The following SIDT1 variants were observed in gnomAD, a reference collection of about 807,000 sequenced individuals.
SIDT1 encodes the protein SID1 transmembrane family, member 1.
Under a neutral mutation model 107.5 loss-of-function variants are expected in SIDT1, and 101 were observed. The ratio of observed to expected loss-of-function variants is 0.94; its 90% confidence interval spans 0.80 to 1.11. The LOEUF (loss-of-function observed/expected upper bound fraction) is 1.11, where lower values mean the gene tolerates loss of function less well. SIDT1 is among the 50% of genes least tolerant of loss of function. The pLI is 0.00. For missense variants in SIDT1, 1,076 were observed against 1,058.2 expected (o/e 1.02, Z -0.23); for synonymous variants, 395 against 398.2 (o/e 0.99, Z 0.10).
intron 14 of SIDT1, among the ~76,000 whole-genome samples, chr3:113,606,185 A>G (rs967642642): frequency 3.3e-5 from 5 of 152,126 alleles, no homozygotes; most frequent in Non-Finnish European, 7.4e-5. Flanking sequence ...ATGGCCTTCT[A>G]TAGAATTTAT....
chr3:113,602,763 T>G, intron 11 of SIDT1: 1 of 365,138 alleles, frequency 2.7e-6, no homozygotes. Flanking sequence ...GCAGATGCCC[T>G]TAGATTCTAA....
chr3:113,547,708 C>T (rs1939755466), intron 1 of SIDT1, among the ~76,000 whole-genome samples: 1 of 152,032 alleles, frequency 6.6e-6, no homozygotes, highest in African/African-American at 2.4e-5. Context: ...ATTCACTTTC[C>T]TGTCACAGCT....
chr3:113,542,361 C>CT (rs1244019626), intron 1 of SIDT1, among the ~76,000 whole-genome samples: 2 of 151,876 alleles, frequency 1.3e-5, no homozygotes, highest in African/African-American at 4.8e-5. Flanking sequence ...TAGGGATTCT[C>CT]TTTTTACTTA....
chr3:113,603,294 A>G lies in SIDT1; in HGVS notation c.1263+144A>G, dbSNP rs73854498. 2,654 of 847,930 alleles carry G rather than the reference A, an allele frequency of 3.1e-3. 52 individuals are homozygous for G. The African/African-American group carries it at 0.041, about 13-fold the overall frequency. The allele number at this position is 847,930 out of a possible 1,614,324, so 52.5% of individuals were successfully genotyped here. ...GAAGACTTAAATCAAATGTACCTACAGACTAAAAGCAATACTCTGTTAATT... is the reference window on the plus strand; with the variant it reads ...GAAGACTTAAATCAAATGTACCTACGGACTAAAAGCAATACTCTGTTAATT... On this transcript the variant is annotated intron_variant, in intron 12 of 24. Transcript: ENST00000264852.
In SIDT1 at chr3:113,603,109, A is replaced by C; in HGVS notation, c.1222A>C (p.Met408Leu). Residue 408 changes from methionine to leucine, a missense_variant, in exon 12 of 25, where the codon ATG becomes CTG. Transcript: ENST00000264852. Reference protein sequence around the residue: ...SSVEESDFDTMPDIESDKNII... With the variant: ...SSVEESDFDTLPDIESDKNII... ...CGTGGAGGAGAGCGACTTCGACACCATGCCAGACATTGAGAGTGATAAAAA... is the reference window on the plus strand; with the variant it reads ...CGTGGAGGAGAGCGACTTCGACACCCTGCCAGACATTGAGAGTGATAAAAA... The C allele has an allele frequency of 6.2e-7, 1 of 1,614,086 alleles. No homozygotes were observed. Among genetic ancestry groups the C allele is most frequent in the South Asian group, 1.1e-5 (1 of 91,074 alleles).
At chr3:113,585,095 G>A in intron 8 of SIDT1, 82 bp from the exon 9 acceptor site, 3 of 927,382 alleles carry the variant, frequency 3.2e-6, no homozygotes, top group South Asian at 2.8e-5. Context: ...TGATGGAGGG[G>A]GCCCTTTAAG....
At chr3:113,591,603 G>A (rs1291629520) in intron 9 of SIDT1, among the ~76,000 whole-genome samples, 1 of 152,222 alleles carries the variant, frequency 6.6e-6, no homozygotes, top group African/African-American at 2.4e-5. Context: ...GCTGAGGCAG[G>A]AGAATGGGGT....
chr3:113,615,172 C>G, intron 19 of SIDT1: 1 of 1,343,426 alleles, frequency 7.4e-7, no homozygotes, highest in Non-Finnish European at 1.0e-6. Context: ...TGAACAGCCT[C>G]TTTCAGGCCG....
At chr3:113,536,753 A>T (rs1241624859) in intron 1 of SIDT1, among the ~76,000 whole-genome samples, 1 of 152,270 alleles carries the variant, frequency 6.6e-6, no homozygotes, top group African/African-American at 2.4e-5. Flanking sequence ...CCTTCAAAAA[A>T]ATCACTGAGA....
At chr3:113,627,603 G>A in intron 24 of SIDT1, 43 bp from the exon 25 acceptor site, 2 of 1,587,864 alleles carry the variant, frequency 1.3e-6, no homozygotes, top group South Asian at 1.1e-5. Context: ...TAGTGTGACA[G>A]TGACTGTCCA....
At chr3:113,570,090 G>A (rs1362904360) in intron 3 of SIDT1, among the ~76,000 whole-genome samples, 1 of 152,074 alleles carries the variant, frequency 6.6e-6, no homozygotes, top group Non-Finnish European at 1.5e-5. Context: ...ATTTTTAGTA[G>A]AGACGGATTT....
chr3:113,598,083 A>C (rs1353532722), intron 10 of SIDT1, among the ~76,000 whole-genome samples: 3 of 152,230 alleles, frequency 2.0e-5, no homozygotes, highest in Non-Finnish European at 4.4e-5. Context: ...ACATTTTTGC[A>C]TGCTGGCAAT....
intron 16 of SIDT1, 94 bp downstream of exon 16, chr3:113,608,311 A>C: frequency 1.9e-6 from 3 of 1,543,842 alleles, no homozygotes; most frequent in Non-Finnish European, 8.8e-7. Context: ...GTGATGATTT[A>C]TTATGTGTAA....
chr3:113,536,442 G>A (rs910504381), intron 1 of SIDT1, among the ~76,000 whole-genome samples: 1 of 152,034 alleles, frequency 6.6e-6, no homozygotes, highest in Non-Finnish European at 1.5e-5. Flanking sequence ...TTGGTTTAGG[G>A]AAAAAAATGG....
At chr3:113,619,344 T>G (rs562995519) in intron 20 of SIDT1, among the ~76,000 whole-genome samples, 4 of 152,272 alleles carry the variant, frequency 2.6e-5, no homozygotes, top group African/African-American at 7.2e-5. Flanking sequence ...GACAGAATTC[T>G]CTCAATTCTG....
chr3:113,566,328 TTGTGTGTGTTTG>T (rs1038276336), intron 1 of SIDT1, 80 bp from the exon 2 acceptor site: 22 of 1,235,848 alleles, frequency 1.8e-5, no homozygotes, highest in East Asian at 4.9e-5. Flanking sequence ...GTGTGTGTGT[TTGTGTGTGTTTG>T]TGTGTGTGTG....
intron 1 of SIDT1, among the ~76,000 whole-genome samples, chr3:113,543,260 A>G (rs1560010061): frequency 6.6e-6 from 1 of 152,084 alleles, no homozygotes; most frequent in Non-Finnish European, 1.5e-5. Context: ...AGTTTTGAGA[A>G]TTCATGAGGC....
At chr3:113,546,555 T>C (rs1939616417) in intron 1 of SIDT1, among the ~76,000 whole-genome samples, 1 of 152,190 alleles carries the variant, frequency 6.6e-6, no homozygotes. Flanking sequence ...AGTTTGGCTT[T>C]TTGGTTGTCA....
intron 10 of SIDT1, among the ~76,000 whole-genome samples, chr3:113,599,147 A>G (rs2098386873): frequency 2.0e-5 from 3 of 152,222 alleles, no homozygotes. Context: ...AATAAATAAA[A>G]TAAAATAGGG....
Sources: gnomAD v4.1 joint callset for allele counts (sites outside exome capture counted in the v4.1 genomes callset) on GRCh38, gnomAD v4.1.1 for gene constraint, MANE v1.5 for transcripts, NCBI Gene and HGNC (gene_info 2026-07-23, HGNC 2026-07-21) for gene names.